Variants in PCDHA7 observed in about 807,000 individuals in gnomAD.
PCDHA7 encodes protocadherin alpha-7.
A neutral mutation model predicts 57.2 loss-of-function variants in PCDHA7; 37 were observed. The observed-to-expected ratio is 0.65, with a 90% CI of 0.50 to 0.85. The LOEUF is 0.85. PCDHA7 is among the 40% of genes least tolerant of loss of function. The pLI is 0.00. For missense variants in PCDHA7, 1,188 were observed against 1,241.8 expected (o/e 0.96, Z 0.65); for synonymous variants, 553 against 558.8 (o/e 0.99, Z 0.15).
At chr5:140,960,065 C>G (rs953730101) in intron 1 of PCDHA7, among the ~76,000 whole-genome samples, 1 of 152,120 alleles carries the variant, frequency 6.6e-6, no homozygotes, top group Non-Finnish European at 1.5e-5. Flanking sequence ...ACAGAAGATT[C>G]AATTGAAGTT....
chr5:140,968,758 T>C, intron 1 of PCDHA7: 1 of 1,614,150 alleles, frequency 6.2e-7, no homozygotes, highest in South Asian at 1.1e-5. Flanking sequence ...TGGTCCGAGA[T>C]AATGGAGAGC....
rs2150313272 is a variant in PCDHA7, at chr5:140,841,310, C to G, written c.2355+4572C>G. 53 of 1,550,820 alleles carry G rather than the reference C, an allele frequency of 3.4e-5. No individual in the cohort carries two copies. In the Middle Eastern group the frequency reaches 5.2e-4, roughly 15 times the overall value. Reference sequence around the variant, plus strand: ...TAAGATAATATTTTCTGATAGGAAACGACTATTTAACATGGATTATCACTG... The same window carrying G: ...TAAGATAATATTTTCTGATAGGAAAGGACTATTTAACATGGATTATCACTG... On this transcript the variant is annotated intron_variant, in intron 1 of 3. Transcript: ENST00000525929.
chr5:141,005,535 C>T (rs1254351919), intron 3 of PCDHA7, among the ~76,000 whole-genome samples: 2 of 151,078 alleles, frequency 1.3e-5, no homozygotes, highest in Non-Finnish European at 2.9e-5. Flanking sequence ...AACCCCGTCT[C>T]TACTAAAAAT....
At chr5:140,927,147 G>T (rs1554204095) in intron 1 of PCDHA7, 5 of 1,614,162 alleles carry the variant, frequency 3.1e-6, no homozygotes, top group Non-Finnish European at 4.2e-6. Context: ...ACCGCGAACA[G>T]CTGTGCAGGG....
At chr5:140,932,727 A>G (rs927294598) in intron 1 of PCDHA7, among the ~76,000 whole-genome samples, 2 of 151,954 alleles carry the variant, frequency 1.3e-5, no homozygotes, top group Non-Finnish European at 2.9e-5. Flanking sequence ...ATTGTATAAT[A>G]TAGACCCTCA....
Position 140,836,486 on chromosome 5 carries a change from C to T in PCDHA7, c.2103C>T (p.Ile701=). The T allele has an allele frequency of 6.2e-7, 1 of 1,613,874 alleles. No individual in the cohort carries two copies. The highest frequency in any genetic ancestry group is 8.5e-7 in the Non-Finnish European group (1 of 1,179,848). The change falls in exon 1 of 4, where the codon ATC becomes ATT. Residue 701 remains isoleucine (I), a synonymous_variant. Coordinates refer to ENST00000525929, the MANE Select transcript of PCDHA7 (RefSeq NM_018910.3). ...TGGTGGATGTCAACGTGTACCTGAT[C>T]ATCGCCATCTGCGCGGTGTCCAGTC... ...TELVDVNVYL[I]IAICAVSSLL... is the part of the protein sequence containing the mutation.
intron 1 of PCDHA7, among the ~76,000 whole-genome samples, chr5:140,889,948 A>G (rs956594809): frequency 6.6e-6 from 1 of 152,194 alleles, no homozygotes; most frequent in Admixed American, 6.6e-5. Flanking sequence ...TGAGAAGCCA[A>G]ATGGATAGAA....
At chr5:140,892,363 G>T (rs1485881453) in intron 1 of PCDHA7, among the ~76,000 whole-genome samples, 1 of 152,120 alleles carries the variant, frequency 6.6e-6, no homozygotes, top group African/African-American at 2.4e-5. Context: ...CAGGCATCTT[G>T]GGGCACTAGC....
intron 1 of PCDHA7, among the ~76,000 whole-genome samples, chr5:140,975,576 C>G (rs1170899911): frequency 6.6e-6 from 1 of 152,208 alleles, no homozygotes; most frequent in Non-Finnish European, 1.5e-5. Flanking sequence ...TATATGCAGT[C>G]TCATGTCCCA....
chr5:140,875,402 C>T, intron 1 of PCDHA7: 1 of 1,488,874 alleles, frequency 6.7e-7, no homozygotes, highest in Non-Finnish European at 8.9e-7. Flanking sequence ...AGGGTGACTG[C>T]TCATAAAATA....
intron 1 of PCDHA7, chr5:140,851,704 T>C (rs1454502056): frequency 2.1e-6 from 2 of 950,842 alleles, no homozygotes; most frequent in African/African-American, 1.8e-5. Context: ...TGATCAGCCA[T>C]GTGAAGATTC....
intron 1 of PCDHA7, chr5:140,966,746 C>T: frequency 1.4e-6 from 2 of 1,425,932 alleles, no homozygotes; most frequent in Non-Finnish European, 1.8e-6. Context: ...TGCCCGGCTG[C>T]CTCCGCCGCG....
At chr5:140,877,109 G>T (rs370191624) in intron 1 of PCDHA7, 1 of 1,613,590 alleles carries the variant, frequency 6.2e-7, no homozygotes, top group South Asian at 1.1e-5. Flanking sequence ...CCGCCTCTGG[G>T]CAGCAACGTG....
At chr5:140,913,379 C>T (rs1554195889) in intron 1 of PCDHA7, among the ~76,000 whole-genome samples, 1 of 152,134 alleles carries the variant, frequency 6.6e-6, no homozygotes, top group Non-Finnish European at 1.5e-5. Context: ...CATATAGTGG[C>T]TCATCATAGC....
intron 1 of PCDHA7, among the ~76,000 whole-genome samples, chr5:140,921,435 A>G (rs997660613): frequency 6.6e-6 from 1 of 152,120 alleles, no homozygotes. Context: ...ATTTTCTTCA[A>G]TGGTGTCTGA....
chr5:140,967,084 TC>T, intron 1 of PCDHA7: 2 of 1,613,270 alleles, frequency 1.2e-6, no homozygotes, highest in African/African-American at 2.7e-5. Flanking sequence ...AGCGCATTGA[TC>T]GGGAGGCGCT....
intron 1 of PCDHA7, among the ~76,000 whole-genome samples, chr5:140,910,952 G>A (rs1188072199): frequency 3.3e-5 from 5 of 152,082 alleles, no homozygotes; most frequent in African/African-American, 1.2e-4. Context: ...TTCTTTTCGA[G>A]TGTAGCACAC....
rs2150234415 is a variant in PCDHA7, at chr5:140,835,352, C to A, written c.969C>A (p.Val323=). 3 of 1,613,802 alleles carry A rather than the reference C, an allele frequency of 1.9e-6. No individual in the cohort carries two copies. The highest frequency in any genetic ancestry group is 1.1e-5 in the South Asian group (1 of 91,068). The stretch of plus-strand genomic sequence containing the variant: ...CACACAAGATCCCAGTCGAGGCTGT[C>A]GATAAAGGCTTCCCACCCCTGGCTG... ...SRAHKIPVEA[V]DKGFPPLAGH... Residue 323 remains valine (V), a synonymous_variant, in exon 1 of 4, where the codon GTC becomes GTA. Coordinates refer to ENST00000525929, the MANE Select transcript of PCDHA7 (RefSeq NM_018910.3).
At chr5:140,930,143 T>C (rs1375967730) in intron 1 of PCDHA7, 4 of 152,204 alleles carry the variant, frequency 2.6e-5, no homozygotes, top group Non-Finnish European at 5.9e-5. Context: ...ACCTTTTGTT[T>C]TGTGTTTCTA....
Sources: allele counts gnomAD v4.1 joint callset (sites outside exome capture counted in the v4.1 genomes callset), GRCh38; gene constraint gnomAD v4.1.1; transcripts MANE v1.5; gene names NCBI Gene and HGNC (gene_info 2026-07-23, HGNC 2026-07-21).